Variants in RANBP17 observed in about 807,000 individuals in gnomAD.
The protein encoded by RANBP17 is RAN binding protein 17.
RANBP17 carries 158 observed loss-of-function variants against 141.2 expected under a neutral mutation model. That is an observed-to-expected ratio of 1.12 (90% CI 0.98 to 1.28). The LOEUF (loss-of-function observed/expected upper bound fraction) is 1.28. Among genes scored for constraint, RANBP17 ranks in the 50% most tolerant of loss-of-function variants. The pLI is 0.00. For synonymous variants in RANBP17, 430 were observed against 450.0 expected (o/e 0.96, Z 0.56); for missense variants, 1,438 against 1,290.7 (o/e 1.11, Z -1.75).
Position 171,199,750 on chromosome 5 carries a change from A to G in RANBP17, c.2119A>G (p.Asn707Asp), listed in dbSNP as rs1762195053. 3 of 1,604,462 alleles carry G rather than the reference A, an allele frequency of 1.9e-6. No homozygotes were observed. The highest frequency in any genetic ancestry group is 2.6e-6 in the Non-Finnish European group (3 of 1,172,994). ...AACAGTATTACAAATATTCAACAAC[A>G]ACTTTAAACAAGAAGATGTAAAGGT... ...FETVLQIFNN[N>D]FKQEDVKRML... The change falls in exon 19 of 28, where the codon AAC (asparagine) becomes GAC (aspartate). Residue 707 changes from asparagine (N) to aspartate (D), a missense_variant. Transcript: ENST00000523189.
At chr5:170,900,104 T>A (rs973483797) in intron 5 of RANBP17, among the ~76,000 whole-genome samples, 6 of 152,200 alleles carry the variant, frequency 3.9e-5, no homozygotes, top group Non-Finnish European at 7.3e-5. Context: ...CCAGCTCCTC[T>A]TTGTAACTCT....
Position 171,240,930 on chromosome 5 carries a change from A to G in RANBP17, c.2425A>G (p.Asn809Asp). The G allele has an allele frequency of 6.2e-7, 1 of 1,607,424 alleles. No individual in the cohort carries two copies. The highest frequency in any genetic ancestry group is 8.5e-7 in the Non-Finnish European group (1 of 1,174,284). ...TTTCTGCTTTTATCCTGAAACAGGT[A>G]ATCAGATCCTGTCCCTTGGGAGCCT... ...EASKMVCTYG[N>D]QILSLGSLSK... Residue 809 changes from asparagine to aspartate, a missense_variant and splice_region_variant, in exon 23 of 28, where the codon AAT (asparagine) becomes GAT (aspartate). Coordinates refer to ENST00000523189, the MANE Select transcript of RANBP17 (RefSeq NM_022897.5).
At chr5:171,217,600 C>T (rs1271496553) in intron 21 of RANBP17, among the ~76,000 whole-genome samples, 1 of 152,118 alleles carries the variant, frequency 6.6e-6, no homozygotes, top group African/African-American at 2.4e-5. Context: ...TTGGTCTTTT[C>T]AGGGATTTGA....
At chr5:171,264,247 AG>A in intron 24 of RANBP17, among the ~76,000 whole-genome samples, 1 of 152,156 alleles carries the variant, frequency 6.6e-6, no homozygotes, top group Non-Finnish European at 1.5e-5. Context: ...CTCAGGTAGA[AG>A]GAAGGTAGGT....
chr5:170,914,385 T>A (rs1771778332), intron 8 of RANBP17, 145 bp downstream of exon 8: 2 of 606,914 alleles, frequency 3.3e-6, no homozygotes, highest in East Asian at 5.6e-5. Context: ...TGTATACTGC[T>A]TAAACTATTT....
chr5:171,101,902 A>G (rs1398532081), intron 14 of RANBP17, among the ~76,000 whole-genome samples: 1 of 152,176 alleles, frequency 6.6e-6, no homozygotes, highest in East Asian at 1.9e-4. Flanking sequence ...TCTTTTCTTG[A>G]AGAATGTTGA....
intron 22 of RANBP17, among the ~76,000 whole-genome samples, chr5:171,227,355 C>A (rs766891597): frequency 1.3e-5 from 2 of 152,220 alleles, no homozygotes; most frequent in African/African-American, 2.4e-5. Flanking sequence ...AGTCTGAGAT[C>A]AAACCAGTCA....
At chr5:171,048,121 GAC>G (rs1438511751) in intron 14 of RANBP17, among the ~76,000 whole-genome samples, 1 of 152,126 alleles carries the variant, frequency 6.6e-6, no homozygotes, top group African/African-American at 2.4e-5. Context: ...GGAGTGCGAT[GAC>G]ACAATCATGG....
Position 171,296,003 on chromosome 5 carries a change from G to T in RANBP17, c.3159G>T (p.Lys1053Asn), listed in dbSNP as rs1768793529. ...MEGVEQNLSVKNRDRFTQNLS... is the reference protein window; with the variant it reads ...MEGVEQNLSVNNRDRFTQNLS... ...GAGTGGAGCAGAACCTGTCCGTCAAGAACAGAGACAGGTGAGCATTGCCCA... is the reference window on the plus strand; with the variant it reads ...GAGTGGAGCAGAACCTGTCCGTCAATAACAGAGACAGGTGAGCATTGCCCA... The change falls in exon 27 of 28, where the codon AAG becomes AAT. Residue 1053 changes from lysine to asparagine, a missense_variant. By Grantham distance (94) the Lys-to-Asn change is moderately conservative. Transcript: ENST00000523189. 6.2e-7 allele frequency: 1 copy of T among 1,613,520 alleles called. No homozygotes were observed. The highest frequency in any genetic ancestry group is 8.5e-7 in the Non-Finnish European group (1 of 1,179,638).
chr5:171,165,361 T>C (rs1203798964), intron 14 of RANBP17, among the ~76,000 whole-genome samples: 1 of 152,034 alleles, frequency 6.6e-6, no homozygotes, highest in Non-Finnish European at 1.5e-5. Context: ...TTTTGTATTT[T>C]AGTTTGGGGT....
intron 14 of RANBP17, among the ~76,000 whole-genome samples, chr5:171,145,935 G>A (rs1301097675): frequency 1.2e-4 from 19 of 152,152 alleles, no homozygotes; most frequent in Admixed American, 1.2e-3. Flanking sequence ...CATATTGTGT[G>A]TAATAGGCCC....
intron 2 of RANBP17, among the ~76,000 whole-genome samples, chr5:170,880,813 G>T (rs1768596691): frequency 1.3e-5 from 2 of 152,134 alleles, no homozygotes; most frequent in Admixed American, 1.3e-4. Flanking sequence ...ATTTCGATAT[G>T]ATAGACATGT....
At chr5:171,153,627 G>T (rs1758643565) in intron 14 of RANBP17, among the ~76,000 whole-genome samples, 1 of 152,174 alleles carries the variant, frequency 6.6e-6, no homozygotes, top group African/African-American at 2.4e-5. Context: ...GGGTGCTTGG[G>T]TTTCTTTTAG....
chr5:171,181,914 G>T (rs1184998834), intron 16 of RANBP17, among the ~76,000 whole-genome samples: 1 of 152,202 alleles, frequency 6.6e-6, no homozygotes, highest in African/African-American at 2.4e-5. Context: ...TTGGGCATAG[G>T]TTTCATCCTC....
At chr5:171,140,646 G>A (rs1011741475) in intron 14 of RANBP17, among the ~76,000 whole-genome samples, 5 of 152,210 alleles carry the variant, frequency 3.3e-5, no homozygotes, top group African/African-American at 4.8e-5. Context: ...AGTGGGCTGA[G>A]AGATTTGTAC....
At chr5:171,004,857 G>C (rs1181685205) in intron 14 of RANBP17, among the ~76,000 whole-genome samples, 1 of 152,174 alleles carries the variant, frequency 6.6e-6, no homozygotes, top group Non-Finnish European at 1.5e-5. Context: ...TTGAAGCAAG[G>C]TCCATGAGGA....
At chr5:170,932,046 A>C (rs2127459212) in intron 12 of RANBP17, among the ~76,000 whole-genome samples, 1 of 152,264 alleles carries the variant, frequency 6.6e-6, no homozygotes, top group East Asian at 1.9e-4. Flanking sequence ...TGAGCATGGA[A>C]TGTTCTTCCA....
chr5:171,178,793 A>T (rs182164641), intron 16 of RANBP17, among the ~76,000 whole-genome samples: 2 of 152,018 alleles, frequency 1.3e-5, no homozygotes, highest in African/African-American at 2.4e-5. Context: ...TTTTTTTCAT[A>T]TGGTTGTTGG....
chr5:171,187,836 A>C (rs1180677677), intron 18 of RANBP17, among the ~76,000 whole-genome samples: 3 of 152,206 alleles, frequency 2.0e-5, no homozygotes, highest in Non-Finnish European at 4.4e-5. Flanking sequence ...TATACATGAG[A>C]GGGTTCAGTC....
Sources: gnomAD v4.1 joint callset for allele counts (sites outside exome capture counted in the v4.1 genomes callset) on GRCh38, gnomAD v4.1.1 for gene constraint, MANE v1.5 for transcripts, NCBI Gene and HGNC (gene_info 2026-07-23, HGNC 2026-07-21) for gene names.